The following ARID4B variants were observed in gnomAD, a reference collection of about 807,000 sequenced individuals.
ARID4B encodes AT-rich interactive domain-containing protein 4B.
Under a neutral mutation model 147.5 loss-of-function variants are expected in ARID4B, and 26 were observed. The ratio of observed to expected loss-of-function variants is 0.18; its 90% CI spans 0.13 to 0.24. The LOEUF is 0.24. Ranked by LOEUF, ARID4B falls within the 10% of genes least tolerant of loss-of-function variation. The pLI is 1.00. For missense variants in ARID4B, 1,179 were observed against 1,511.5 expected (o/e 0.78, Z 3.65); for synonymous variants, 512 against 507.9 (o/e 1.01, Z -0.11).
At chr1:235,205,991 T>G (rs146287223) in intron 17 of ARID4B, among the ~76,000 whole-genome samples, 15 of 152,124 alleles carry the variant, frequency 9.9e-5, no homozygotes, top group Non-Finnish European at 2.1e-4. Context: ...ATAAATGAGG[T>G]GAGAAGCAGC....
chr1:235,243,464 C>T (rs1006215724), intron 7 of ARID4B, among the ~76,000 whole-genome samples: 6 of 151,976 alleles, frequency 3.9e-5, no homozygotes, highest in Non-Finnish European at 2.9e-5. Flanking sequence ...TTTGTAGAGC[C>T]ACAACAAAAT....
chr1:235,288,512 A>C (rs1031993887), intron 2 of ARID4B, among the ~76,000 whole-genome samples: 1 of 152,152 alleles, frequency 6.6e-6, no homozygotes, highest in Non-Finnish European at 1.5e-5. Context: ...CTTTTCTTTC[A>C]TTCAAAAAAT....
intron 2 of ARID4B, among the ~76,000 whole-genome samples, chr1:235,273,210 T>A (rs1276455714): frequency 6.6e-6 from 1 of 152,100 alleles, no homozygotes; most frequent in Admixed American, 6.6e-5. Flanking sequence ...GCTAATTTCA[T>A]GTGTGTGTAT....
intron 2 of ARID4B, among the ~76,000 whole-genome samples, chr1:235,312,210 C>T (rs1311581723): frequency 1.3e-5 from 2 of 151,932 alleles, no homozygotes; most frequent in African/African-American, 4.8e-5. Flanking sequence ...TGCTTGAACC[C>T]GGGAGGCAGA....
At chr1:235,283,965 G>A (rs1052104944) in intron 2 of ARID4B, among the ~76,000 whole-genome samples, 6 of 151,942 alleles carry the variant, frequency 3.9e-5, no homozygotes, top group South Asian at 2.1e-4. Flanking sequence ...TCAAACTCCC[G>A]GCCTCAAGTG....
intron 16 of ARID4B, among the ~76,000 whole-genome samples, chr1:235,214,982 C>G (rs1308966019): frequency 6.6e-6 from 1 of 151,784 alleles, no homozygotes; most frequent in African/African-American, 2.4e-5. Flanking sequence ...GCTGGGATTA[C>G]AGGCACCCAC....
intron 17 of ARID4B, among the ~76,000 whole-genome samples, chr1:235,207,563 T>C (rs1666388987): frequency 6.6e-6 from 1 of 152,190 alleles, no homozygotes; most frequent in African/African-American, 2.4e-5. Context: ...GTGCATTAAC[T>C]GGGGTGAAGA....
chr1:235,189,181 AC>A (rs1664900225), intron 19 of ARID4B, among the ~76,000 whole-genome samples: 2 of 151,868 alleles, frequency 1.3e-5, no homozygotes, highest in East Asian at 1.9e-4. Flanking sequence ...CAGGTGGATC[AC>A]AAGGTCAGGA....
intron 2 of ARID4B, among the ~76,000 whole-genome samples, 184 bp from the exon 3 acceptor site, chr1:235,260,936 A>AT (rs1670255577): frequency 6.6e-6 from 1 of 152,232 alleles, no homozygotes; most frequent in Admixed American, 6.5e-5. Flanking sequence ...CATAAAGACT[A>AT]TTTAAATGTA....
chr1:235,320,121 G>C (rs568928101), intron 2 of ARID4B, among the ~76,000 whole-genome samples: 2 of 140,206 alleles, frequency 1.4e-5, no homozygotes, highest in African/African-American at 2.9e-5. Flanking sequence ...GCGAAACTCC[G>C]TCTAAAAAAA....
At chr1:235,174,433 G>A (rs1242039666) in intron 22 of ARID4B, among the ~76,000 whole-genome samples, 1 of 152,064 alleles carries the variant, frequency 6.6e-6, no homozygotes, top group Non-Finnish European at 1.5e-5. Context: ...ATCCAAATAA[G>A]GTCTATACAT....
intron 23 of ARID4B, among the ~76,000 whole-genome samples, chr1:235,169,329 C>T (rs574157470): frequency 6.6e-6 from 1 of 151,936 alleles, no homozygotes; most frequent in East Asian, 1.9e-4. Context: ...AAAGTTCTGC[C>T]TCCTGAGTTC....
chr1:235,182,803 A>G lies in ARID4B; in HGVS notation c.2126-10T>C. 6.4e-7 allele frequency: 1 copy of G among 1,566,042 alleles called. No individual in the cohort carries two copies. The highest frequency in any genetic ancestry group is 8.6e-7 in the Non-Finnish European group (1 of 1,161,878). On this transcript the variant is annotated splice_polypyrimidine_tract_variant and intron_variant, in intron 19 of 23. Transcript: ENST00000264183. Reference sequence around the variant, plus strand: ...GCAGAACTTTCAGAAGCTAGAAAATAACAGAAAAAAAAATGATGAGTATGA... The same window carrying G: ...GCAGAACTTTCAGAAGCTAGAAAATGACAGAAAAAAAAATGATGAGTATGA...
chr1:235,228,937 G>T, intron 11 of ARID4B: 1 of 256,764 alleles, frequency 3.9e-6, no homozygotes, highest in Non-Finnish European at 7.4e-6. Context: ...GAGCCACTGC[G>T]CCCAGCCTGG....
At chr1:235,267,343 A>C (rs1488043272) in intron 2 of ARID4B, among the ~76,000 whole-genome samples, 1 of 152,236 alleles carries the variant, frequency 6.6e-6, no homozygotes, top group Admixed American at 6.5e-5. Context: ...ACCACGTGAC[A>C]ATAAATCTAT....
intron 19 of ARID4B, chr1:235,190,019 A>C (rs1664982401): frequency 6.5e-6 from 1 of 154,398 alleles, no homozygotes; most frequent in Non-Finnish European, 1.5e-5. Flanking sequence ...AGTAGGCATC[A>C]CAGGGGATGA....
At chr1:235,290,986 C>A (rs1672300979) in intron 2 of ARID4B, among the ~76,000 whole-genome samples, 1 of 152,194 alleles carries the variant, frequency 6.6e-6, no homozygotes, top group African/African-American at 2.4e-5. Flanking sequence ...GCAGTCCCAC[C>A]TGTTCAGGAG....
At chr1:235,262,214 A>G (rs1460151593) in intron 2 of ARID4B, among the ~76,000 whole-genome samples, 1 of 152,206 alleles carries the variant, frequency 6.6e-6, no homozygotes, top group African/African-American at 2.4e-5. Context: ...TAGCTATCAT[A>G]CAGAGTAATC....
chr1:235,207,645 T>G (rs1666398205), intron 17 of ARID4B, among the ~76,000 whole-genome samples: 1 of 152,202 alleles, frequency 6.6e-6, no homozygotes, highest in African/African-American at 2.4e-5. Context: ...TAAGGACCAC[T>G]TCTTGGTATC....
Sources: allele counts gnomAD v4.1 joint callset (sites outside exome capture counted in the v4.1 genomes callset), GRCh38; gene constraint gnomAD v4.1.1; transcripts MANE v1.5; gene names NCBI Gene and HGNC (gene_info 2026-07-23, HGNC 2026-07-21).